The following UNC13C variants were observed in gnomAD, a reference collection of about 807,000 sequenced individuals.
UNC13C encodes the protein protein unc-13 homolog C.
A neutral mutation model predicts 245.4 loss-of-function variants in UNC13C; 174 were observed. The ratio of observed to expected loss-of-function variants is 0.71; its 90% confidence interval spans 0.63 to 0.80. The LOEUF (loss-of-function observed/expected upper bound fraction) is 0.80. UNC13C is among the 30% of genes least tolerant of loss of function. UNC13C has a pLI of 0.00. For synonymous variants in UNC13C, 992 were observed against 895.1 expected, an observed-to-expected ratio of 1.11 and a Z score of -1.93; for missense variants, 2,829 against 2,602.9, an observed-to-expected ratio of 1.09 and a Z score of -1.89.
At chr15:53,846,126 A>C in the UNC13C span, among the ~76,000 whole-genome samples, 1 of 152,150 alleles carries the variant, frequency 6.6e-6, no homozygotes, top group Admixed American at 6.6e-5. Context: ...TTTAAGGTAG[A>C]CTGGGCTAAG....
At chr15:54,255,245 G>C (rs2036250524) in intron 8 of UNC13C, among the ~76,000 whole-genome samples, 1 of 152,118 alleles carries the variant, frequency 6.6e-6, no homozygotes, top group African/African-American at 2.4e-5. Context: ...GTATCCCAGG[G>C]TTCTTGCTTT....
At chr15:54,365,725 C>T (rs969764053) in intron 17 of UNC13C, among the ~76,000 whole-genome samples, 3 of 151,366 alleles carry the variant, frequency 2.0e-5, no homozygotes, top group African/African-American at 2.4e-5. Flanking sequence ...GTCCTAGGCT[C>T]CTCACTGGCA....
At chr15:53,980,192 C>T (rs1026384981) in intron 1 of UNC13C, among the ~76,000 whole-genome samples, 1 of 152,154 alleles carries the variant, frequency 6.6e-6, no homozygotes. Context: ...CTATAAACCT[C>T]ATTTTTGCCA....
At chr15:53,992,872 C>T (rs1894453480) in intron 1 of UNC13C, among the ~76,000 whole-genome samples, 1 of 152,046 alleles carries the variant, frequency 6.6e-6, no homozygotes. Context: ...TTACTGTATT[C>T]CAGAGTATGA....
chr15:53,844,902 T>G, the UNC13C span, among the ~76,000 whole-genome samples: 1 of 152,208 alleles, frequency 6.6e-6, no homozygotes, highest in African/African-American at 2.4e-5. Context: ...TGTCACCATG[T>G]TGTCTTTGAC....
chr15:53,876,705 G>A, the UNC13C span, among the ~76,000 whole-genome samples: 3 of 151,910 alleles, frequency 2.0e-5, no homozygotes, highest in African/African-American at 7.2e-5. Flanking sequence ...CCACAAAGTG[G>A]GTATAAACTG....
At chr15:54,528,139 G>C (rs62022413) in intron 25 of UNC13C, among the ~76,000 whole-genome samples, 7,981 of 152,198 alleles carry the variant, frequency 0.052, 351 homozygotes, top group Admixed American at 0.13. Context: ...TGTAAAGTCA[G>C]AGCTGAGCCA....
intron 30 of UNC13C, among the ~76,000 whole-genome samples, chr15:54,615,011 G>A (rs1331923156): frequency 6.6e-6 from 1 of 151,790 alleles, no homozygotes; most frequent in Non-Finnish European, 1.5e-5. Context: ...CCTTTATTGG[G>A]TTTTATATGT....
At chr15:53,901,948 T>C in the UNC13C span, among the ~76,000 whole-genome samples, 1 of 152,166 alleles carries the variant, frequency 6.6e-6, no homozygotes, top group African/African-American at 2.4e-5. Flanking sequence ...TATCCCTCTA[T>C]CTACAAAATT....
At chr15:54,237,887 T>C (rs1178029695) in intron 7 of UNC13C, among the ~76,000 whole-genome samples, 197 bp downstream of exon 7, 1 of 152,130 alleles carries the variant, frequency 6.6e-6, no homozygotes, top group Non-Finnish European at 1.5e-5. Flanking sequence ...CAAATACTTA[T>C]AAACCTTCCT....
chr15:53,941,940 C>G, the UNC13C span, among the ~76,000 whole-genome samples: 1 of 152,124 alleles, frequency 6.6e-6, no homozygotes, highest in African/African-American at 2.4e-5. Context: ...AAAAAGGACA[C>G]TTTTACATTG....
the UNC13C span, among the ~76,000 whole-genome samples, chr15:53,952,441 C>G: frequency 1.3e-5 from 2 of 152,184 alleles, no homozygotes; most frequent in Admixed American, 6.5e-5. Context: ...TCTCTTCCCC[C>G]ATCAACTCAC....
rs3082223 is a variant in UNC13C at position 54,134,049 on chromosome 15, CGTGT to C, written c.2984-8947_2984-8944del. Among the ~76,000 whole-genome samples the C allele has an allele frequency of 1.7e-3, 261 of 149,304 alleles. 1 individual carries two copies. Among genetic ancestry groups the C allele is most frequent in the African/African-American group, 3.3e-3 (135 of 40,906 alleles). On this transcript the variant is annotated intron_variant, in intron 2 of 32. Transcript: ENST00000260323. The stretch of plus-strand genomic sequence containing the variant: ...ATACATCCATCACTATACTGAGTTA[CGTGT>C]GTGTGTGTGTGTGTGTGTGTGGTGA...
At chr15:54,512,882 T>C (rs624071) in intron 24 of UNC13C, among the ~76,000 whole-genome samples, 56,850 of 152,052 alleles carry the variant, frequency 0.37, 10,823 homozygotes, top group Admixed American at 0.44. Context: ...TTTACACTTC[T>C]CCAATGTCTG....
intron 27 of UNC13C, among the ~76,000 whole-genome samples, chr15:54,549,133 C>A (rs1896621110): frequency 6.6e-6 from 1 of 152,078 alleles, no homozygotes; most frequent in South Asian, 2.1e-4. Context: ...CAGTGTTTTT[C>A]AAATTCATTT....
rs1365098206 is a variant in UNC13C, at chr15:54,302,036, C to G, written c.4268+1663C>G. Among the ~76,000 whole-genome samples, 8 of 152,202 alleles carry G rather than the reference C, an allele frequency of 5.3e-5. No individual in the cohort carries two copies. The South Asian group carries it at 1.5e-3, about 28-fold the overall frequency. The stretch of plus-strand genomic sequence containing the variant: ...GTTTTGATTTGCATTTCTCTAATGA[C>G]CAGTGATGATGAGCTTTTTTTTCAT... On this transcript the variant is annotated intron_variant, in intron 13 of 32. Transcript: ENST00000260323.
intron 28 of UNC13C, among the ~76,000 whole-genome samples, chr15:54,551,836 A>T (rs1459784297): frequency 3.9e-5 from 6 of 151,998 alleles, no homozygotes; most frequent in African/African-American, 1.4e-4. Context: ...CTCCTACAGT[A>T]TTATGCAAAA....
At chr15:54,382,726 A>G (rs2039754211) in intron 17 of UNC13C, among the ~76,000 whole-genome samples, 1 of 152,198 alleles carries the variant, frequency 6.6e-6, no homozygotes, top group African/African-American at 2.4e-5. Flanking sequence ...GCAGAACTAA[A>G]CAAAATAGAG....
chr15:53,909,845 A>G, the UNC13C span, among the ~76,000 whole-genome samples: 3 of 146,734 alleles, frequency 2.0e-5, 1 homozygote, highest in African/African-American at 4.9e-5. Flanking sequence ...TCAAGTGGAC[A>G]TATTTTTTAA....
Sources: gnomAD v4.1 joint callset for allele counts (sites outside exome capture counted in the v4.1 genomes callset) on GRCh38, gnomAD v4.1.1 for gene constraint, MANE v1.5 for transcripts, NCBI Gene and HGNC (gene_info 2026-07-23, HGNC 2026-07-21) for gene names.